Variants in SSBP3 observed in about 807,000 individuals in gnomAD.
The protein encoded by SSBP3 is single-stranded DNA-binding protein 3.
SSBP3 carries 5 observed loss-of-function variants against 69.6 expected under a neutral mutation model. That is an observed-to-expected ratio of 0.07 (90% confidence interval 0.04 to 0.15). The LOEUF (loss-of-function observed/expected upper bound fraction) is 0.15. SSBP3 is among the 10% of genes least tolerant of loss of function. The pLI is 1.00. For synonymous variants in SSBP3, 196 were observed against 193.4 expected, an observed-to-expected ratio of 1.01 and a Z score of -0.11; for missense variants, 312 against 534.0, an observed-to-expected ratio of 0.58 and a Z score of 4.10.
intron 14 of SSBP3, 150 bp from the exon 15 acceptor site, chr1:54,228,976 C>A: frequency 1.3e-6 from 1 of 780,498 alleles, no homozygotes; most frequent in Non-Finnish European, 2.1e-6. Flanking sequence ...TCCTGCCTGG[C>A]AGCTGGGCCA....
In SSBP3 at chr1:54,357,652, A is replaced by G. The variant is rs190725170; in HGVS notation, c.276+44209T>C. On this transcript the variant is annotated intron_variant, in intron 4 of 17. Transcript: ENST00000610401. Reference sequence around the variant, plus strand: ...CACAGCAGTGCACACCTGTAGTCCCAGCTATTCAGGAGGCTGAGGCCAGAG... The same window carrying G: ...CACAGCAGTGCACACCTGTAGTCCCGGCTATTCAGGAGGCTGAGGCCAGAG... Among the ~76,000 whole-genome samples, 203 of 152,354 alleles carry G rather than the reference A, an allele frequency of 1.3e-3. 8 individuals are homozygous for G. In the South Asian group the frequency reaches 0.027, roughly 21 times the overall value.
At chr1:54,361,350 T>A (rs1373771049) in intron 4 of SSBP3, among the ~76,000 whole-genome samples, 1 of 152,178 alleles carries the variant, frequency 6.6e-6, no homozygotes, top group African/African-American at 2.4e-5. Context: ...ACCTAATTCA[T>A]CTAGAGTTTT....
At chr1:54,340,719 G>A (rs992493272) in intron 4 of SSBP3, among the ~76,000 whole-genome samples, 10 of 152,200 alleles carry the variant, frequency 6.6e-5, no homozygotes, top group Non-Finnish European at 1.5e-4. Flanking sequence ...GAGGTGGAGA[G>A]GCAGGAGACA....
In SSBP3 at chr1:54,262,820, C is replaced by G. The variant is rs546078741; in HGVS notation, c.367-4671G>C. ...CTCTGCAGGGTGATGGCAGCAGGAC[C>G]AAGCCCTGGGGTAGACCTCAACATG... On this transcript the variant is annotated intron_variant, in intron 5 of 17. Transcript: ENST00000610401. 2.6e-4 allele frequency among the ~76,000 whole-genome samples: 39 copies of G among 152,322 alleles called. No individual in the cohort carries two copies. The East Asian group carries it at 5.6e-3, about 22-fold the overall frequency.
At chr1:54,281,639 C>T in intron 4 of SSBP3, 112 bp from the exon 5 acceptor site, 1 of 968,388 alleles carries the variant, frequency 1.0e-6, no homozygotes, top group Non-Finnish European at 1.6e-6. Context: ...GTGGACCTTC[C>T]TCACAGGCCA....
chr1:54,373,055 C>T (rs751030710), intron 4 of SSBP3, among the ~76,000 whole-genome samples: 11 of 152,218 alleles, frequency 7.2e-5, no homozygotes, highest in African/African-American at 1.7e-4. Flanking sequence ...GCTGTGCACG[C>T]GTGACTCTGT....
rs114627801 is a variant in SSBP3, at chr1:54,273,302, A to G, written c.366+8136T>C. On this transcript the variant is annotated intron_variant, in intron 5 of 17. Transcript: ENST00000610401. Reference sequence around the variant, plus strand: ...GGAGAGGCGGCTCAAGTGTGCAGACACAAACATATCCACATGCGTGCACAC... The same window carrying G: ...GGAGAGGCGGCTCAAGTGTGCAGACGCAAACATATCCACATGCGTGCACAC... Among the ~76,000 whole-genome samples, 849 of 152,352 alleles carry G rather than the reference A, an allele frequency of 5.6e-3. 6 individuals are homozygous for G. Among genetic ancestry groups the G allele is most frequent in the African/African-American group, 0.015 (616 of 41,598 alleles).
chr1:54,340,527 G>T (rs899212522), intron 4 of SSBP3, among the ~76,000 whole-genome samples: 1 of 152,232 alleles, frequency 6.6e-6, no homozygotes, highest in Non-Finnish European at 1.5e-5. Context: ...AACCCCAAAA[G>T]CAAGTCCACG....
intron 14 of SSBP3, among the ~76,000 whole-genome samples, chr1:54,235,601 AGC>A (rs1255861174): frequency 6.6e-6 from 1 of 151,652 alleles, no homozygotes; most frequent in Non-Finnish European, 1.5e-5. Flanking sequence ...TACAGGCACC[AGC>A]CACCACGCCT....
intron 14 of SSBP3, chr1:54,238,200 C>T (rs1292548974): frequency 2.1e-6 from 1 of 471,096 alleles, no homozygotes; most frequent in South Asian, 1.5e-5. Flanking sequence ...GCAGCCCGCG[C>T]TCGGGGTTTA....
At chr1:54,231,631 C>A (rs1644380160) in intron 14 of SSBP3, among the ~76,000 whole-genome samples, 1 of 152,136 alleles carries the variant, frequency 6.6e-6, no homozygotes, top group South Asian at 2.1e-4. Flanking sequence ...GTATTTACTT[C>A]AAGTGTTTTG....
intron 14 of SSBP3, 59 bp downstream of exon 14, chr1:54,239,070 G>A (rs775038905): frequency 7.1e-7 from 1 of 1,407,280 alleles, no homozygotes; most frequent in African/African-American, 1.4e-5. Context: ...CTCAGCTGAT[G>A]AAGTTAATTA....
chr1:54,386,682 A>AATTTTTTTTTTTTTTTTTTTTTTTTT (rs1648104342), intron 4 of SSBP3, among the ~76,000 whole-genome samples: 1 of 55,046 alleles, frequency 1.8e-5, no homozygotes, highest in African/African-American at 1.4e-4. Context: ...AACTGATCCT[A>AATTTTTTTTTTTTTTTTTTTTTTTTT]CTTTTTTTTT....
intron 4 of SSBP3, among the ~76,000 whole-genome samples, chr1:54,336,882 G>A (rs1646516636): frequency 6.6e-6 from 1 of 152,202 alleles, no homozygotes; most frequent in South Asian, 2.1e-4. Context: ...GCTCCCCAAG[G>A]ACAGGGCTGA....
intron 10 of SSBP3, among the ~76,000 whole-genome samples, chr1:54,242,649 TATA>T (rs1322827161): frequency 6.6e-6 from 1 of 152,108 alleles, no homozygotes; most frequent in Admixed American, 6.5e-5. Context: ...GTAAGGGGGT[TATA>T]ATAATAACCG....
At chr1:54,285,024 A>C (rs1026810963) in intron 4 of SSBP3, among the ~76,000 whole-genome samples, 1 of 152,182 alleles carries the variant, frequency 6.6e-6, no homozygotes, top group African/African-American at 2.4e-5. Context: ...GAGGACAAAA[A>C]ACCAAGACCA....
intron 13 of SSBP3, among the ~76,000 whole-genome samples, chr1:54,240,047 G>GTGTGTGTGTGTGT (rs1553123140): frequency 7.7e-5 from 6 of 77,792 alleles, no homozygotes; most frequent in African/African-American, 2.7e-4. Context: ...ATTGTGATGG[G>GTGTGTGTGTGTGT]GTGTGTGTGT....
intron 4 of SSBP3, among the ~76,000 whole-genome samples, chr1:54,316,656 AAAAT>A (rs1434417704): frequency 0.018 from 945 of 53,812 alleles, 49 homozygotes; most frequent in Admixed American, 0.023. Context: ...TCAAAAAAAA[AAAAT>A]AAAATAAATA....
chr1:54,329,231 G>A (rs1325488131), intron 4 of SSBP3, among the ~76,000 whole-genome samples: 2 of 152,324 alleles, frequency 1.3e-5, no homozygotes, highest in East Asian at 1.9e-4. Context: ...CTGTGACCCT[G>A]AGGATGAATG....
Sources: allele counts gnomAD v4.1 joint callset (sites outside exome capture counted in the v4.1 genomes callset), GRCh38; gene constraint gnomAD v4.1.1; transcripts MANE v1.5; gene names NCBI Gene and HGNC (gene_info 2026-07-23, HGNC 2026-07-21).